The following PCDH9 variants were observed in gnomAD, a reference collection of about 807,000 sequenced individuals.
PCDH9 encodes protocadherin 9.
A neutral mutation model predicts 70.6 loss-of-function variants in PCDH9; 24 were observed. That is an observed-to-expected ratio of 0.34 (90% CI 0.25 to 0.48). The LOEUF is 0.48. Among genes scored for constraint, PCDH9 ranks in the 20% least tolerant of loss-of-function variants. The probability of loss-of-function intolerance (pLI) is 0.99; values close to 1 mark genes in which losing one functional copy is unlikely to be tolerated. For missense variants in PCDH9, 1,281 were observed against 1,503.6 expected (o/e 0.85, Z 2.45); for synonymous variants, 562 against 558.5 (o/e 1.01, Z -0.09).
intron 2 of PCDH9, among the ~76,000 whole-genome samples, chr13:67,012,092 C>G (rs2084462427): frequency 6.6e-6 from 1 of 151,832 alleles, no homozygotes; most frequent in South Asian, 2.1e-4. Context: ...TCCTTCCTTT[C>G]TTCCTTTTTC....
At chr13:66,482,318 C>G (rs1958855733) in intron 4 of PCDH9, among the ~76,000 whole-genome samples, 1 of 152,140 alleles carries the variant, frequency 6.6e-6, no homozygotes, top group African/African-American at 2.4e-5. Context: ...ATTTCCGTCT[C>G]CCAATGTGGC....
At chr13:66,899,777 C>T (rs568859329) in intron 3 of PCDH9, among the ~76,000 whole-genome samples, 2 of 151,876 alleles carry the variant, frequency 1.3e-5, no homozygotes, top group South Asian at 2.1e-4. Flanking sequence ...TCCGGTGCTT[C>T]GATTTTAATC....
chr13:66,832,557 G>A (rs1009596661), intron 3 of PCDH9, among the ~76,000 whole-genome samples: 29 of 151,970 alleles, frequency 1.9e-4, no homozygotes, highest in African/African-American at 5.3e-4. Flanking sequence ...AGATATGCAT[G>A]AATAAGTATA....
chr13:66,933,555 G>A (rs2082851969), intron 2 of PCDH9, among the ~76,000 whole-genome samples: 1 of 152,108 alleles, frequency 6.6e-6, no homozygotes, highest in Non-Finnish European at 1.5e-5. Context: ...ATCTAAATTA[G>A]GAATAAGAAT....
intron 4 of PCDH9, among the ~76,000 whole-genome samples, chr13:66,442,728 C>A (rs575722430): frequency 6.6e-6 from 1 of 151,688 alleles, no homozygotes; most frequent in East Asian, 1.9e-4. Flanking sequence ...ATTATGGGGA[C>A]AGTACGAATT....
chr13:66,791,334 C>G (rs2080160485), intron 3 of PCDH9, among the ~76,000 whole-genome samples: 2 of 151,876 alleles, frequency 1.3e-5, no homozygotes, highest in South Asian at 4.2e-4. Context: ...TTTTTTTCCT[C>G]TAAATTGAGT....
At position 66,450,495 on chromosome 13, in the gene PCDH9, G is replaced by A. The variant is rs73510055; in HGVS notation, c.3341-145467C>T. The stretch of plus-strand genomic sequence containing the variant: ...ACTTTGAAAGAAGATTAAGCATTTA[G>A]AGTGACATAGAAGGATCTATACTAT... On this transcript the variant is annotated intron_variant, in intron 4 of 4. Coordinates refer to ENST00000377865, the MANE Select transcript of PCDH9 (RefSeq NM_203487.3). Among the ~76,000 whole-genome samples, 1,492 of 152,268 alleles carry A rather than the reference G, an allele frequency of 9.8e-3. 26 individuals are homozygous for A. The highest frequency in any genetic ancestry group is 0.033 in the African/African-American group (1,385 of 41,556).
At chr13:66,774,362 G>C (rs2079856993) in intron 3 of PCDH9, among the ~76,000 whole-genome samples, 2 of 152,094 alleles carry the variant, frequency 1.3e-5, no homozygotes, top group South Asian at 4.1e-4. Flanking sequence ...TTGAGAGGAA[G>C]AAAGCAGCTC....
At chr13:66,462,810 A>T (rs2860117) in intron 4 of PCDH9, among the ~76,000 whole-genome samples, 5 of 151,740 alleles carry the variant, frequency 3.3e-5, no homozygotes, top group Non-Finnish European at 7.4e-5. Flanking sequence ...ATTATTTGCC[A>T]TTACCCAGAG....
At chr13:66,348,326 A>G (rs957360539) in intron 4 of PCDH9, among the ~76,000 whole-genome samples, 7 of 152,132 alleles carry the variant, frequency 4.6e-5, no homozygotes, top group African/African-American at 9.7e-5. Context: ...TACTTCTACC[A>G]TAGAAATGTT....
At chr13:66,327,059 C>G (rs995203386) in intron 4 of PCDH9, among the ~76,000 whole-genome samples, 1 of 151,926 alleles carries the variant, frequency 6.6e-6, no homozygotes, top group East Asian at 1.9e-4. Context: ...ATACAATTAT[C>G]TTTCCAAAGT....
At chr13:66,445,310 C>A (rs1429240732) in intron 4 of PCDH9, among the ~76,000 whole-genome samples, 6 of 147,102 alleles carry the variant, frequency 4.1e-5, no homozygotes, top group Non-Finnish European at 6.0e-5. Context: ...TCTTCTGATT[C>A]CTATTTTTTC....
chr13:67,134,557 C>G lies in PCDH9; in HGVS notation c.3036+90848G>C, dbSNP rs534323035. On this transcript the variant is annotated intron_variant, in intron 2 of 4. Coordinates refer to ENST00000377865, the MANE Select transcript of PCDH9 (RefSeq NM_203487.3). Reference sequence around the variant, plus strand: ...TCTCTCTTGCTGCCTTTTCCTCTACCCATACGCATTCTTCTTCATTTAAAA... The same window carrying G: ...TCTCTCTTGCTGCCTTTTCCTCTACGCATACGCATTCTTCTTCATTTAAAA... 4.6e-5 allele frequency among the ~76,000 whole-genome samples: 7 copies of G among 152,190 alleles called. No individual in the cohort carries two copies. In the East Asian group the frequency reaches 1.4e-3, roughly 29 times the overall value.
intron 4 of PCDH9, among the ~76,000 whole-genome samples, chr13:66,406,161 C>T (rs1211973498): frequency 6.6e-6 from 1 of 152,042 alleles, no homozygotes; most frequent in African/African-American, 2.4e-5. Flanking sequence ...CAAGCAGTGC[C>T]GACCTTGGAT....
At chr13:66,360,688 A>C (rs1384161655) in intron 4 of PCDH9, among the ~76,000 whole-genome samples, 1 of 152,122 alleles carries the variant, frequency 6.6e-6, no homozygotes, top group East Asian at 1.9e-4. Flanking sequence ...TCTGAAAATC[A>C]CTGGAAATTG....
intron 2 of PCDH9, among the ~76,000 whole-genome samples, chr13:67,084,983 AAAAAAAAAAAAAAAATATAT>A (rs1368690076): frequency 5.6e-5 from 4 of 71,666 alleles, no homozygotes; most frequent in Admixed American, 4.8e-4. Context: ...AAAAAAAAAA[AAAAAAAAAAAAAAAATATAT>A]ATATATATAT....
chr13:66,315,856 T>C (rs1228467176), intron 4 of PCDH9, among the ~76,000 whole-genome samples: 1 of 152,208 alleles, frequency 6.6e-6, no homozygotes, highest in East Asian at 1.9e-4. Flanking sequence ...CTAGCATATT[T>C]ACATTTGTTT....
chr13:66,559,549 C>T (rs939501303), intron 4 of PCDH9, among the ~76,000 whole-genome samples: 3 of 151,904 alleles, frequency 2.0e-5, no homozygotes, highest in Non-Finnish European at 4.4e-5. Context: ...GCCTGTAATC[C>T]CAGCACTTCG....
At position 66,834,347 on chromosome 13, in the gene PCDH9, G is replaced by A. The variant is rs572037965; in HGVS notation, c.3138+69157C>T. Among the ~76,000 whole-genome samples, 12 of 151,824 alleles carry A rather than the reference G, an allele frequency of 7.9e-5. No homozygotes were observed. The South Asian group carries it at 1.0e-3, about 13-fold the overall frequency. ...TAATTTTTGTACTTTTAGTAGAGAC[G>A]GCCAGGCTGGTCTCAAACTGCTGAC... On this transcript the variant is annotated intron_variant, in intron 3 of 4. Coordinates refer to ENST00000377865, the MANE Select transcript of PCDH9 (RefSeq NM_203487.3).
Sources: gnomAD v4.1 joint callset for allele counts (sites outside exome capture counted in the v4.1 genomes callset) on GRCh38, gnomAD v4.1.1 for gene constraint, MANE v1.5 for transcripts, NCBI Gene and HGNC (gene_info 2026-07-23, HGNC 2026-07-21) for gene names.